Variants in CCDC9 observed in about 807,000 individuals in gnomAD.
CCDC9 encodes the protein coiled-coil domain containing 9.
A neutral mutation model predicts 65.6 loss-of-function variants in CCDC9; 52 were observed. The ratio of observed to expected loss-of-function variants is 0.79; its 90% confidence interval spans 0.63 to 1.00. The LOEUF (loss-of-function observed/expected upper bound fraction) is 1.00. Among genes scored for constraint, CCDC9 ranks in the 50% least tolerant of loss-of-function variants. The probability of loss-of-function intolerance (pLI) is 0.00; values close to 1 mark genes in which losing one functional copy is unlikely to be tolerated. For synonymous variants in CCDC9, 332 were observed against 280.3 expected, an observed-to-expected ratio of 1.18 and a Z score of -1.84; for missense variants, 834 against 757.2, an observed-to-expected ratio of 1.10 and a Z score of -1.19.
intron 3 of CCDC9, among the ~76,000 whole-genome samples, chr19:47,259,740 G>A (rs1322114658): frequency 6.6e-6 from 1 of 152,058 alleles, no homozygotes; most frequent in Non-Finnish European, 1.5e-5. Flanking sequence ...ACTGAAAGCA[G>A]ACAGACATTC....
chr19:47,263,670 A>G (rs888665292), intron 5 of CCDC9, among the ~76,000 whole-genome samples: 1 of 151,704 alleles, frequency 6.6e-6, no homozygotes, highest in Admixed American at 6.6e-5. Flanking sequence ...GTTTCAAGCA[A>G]TTCTCCTGTC....
In CCDC9 at chr19:47,264,797, G is replaced by C. The variant is rs2123461127; in HGVS notation, c.571G>C (p.Val191Leu). The C allele has an allele frequency of 6.3e-7, 1 of 1,591,086 alleles. No individual in the cohort carries two copies. The highest frequency in any genetic ancestry group is 2.2e-5 in the East Asian group (1 of 44,504). Residue 191 changes from valine (V) to leucine (L), a missense_variant, in exon 7 of 12, where the codon GTG (valine) becomes CTG (leucine). Transcript: ENST00000221922. Reference sequence around the variant, plus strand: ...GGAAGGGGTTCTTGAACCCAACCCAGTGCGGAACTTCCTGGACGACCCCCG... The same window carrying C: ...GGAAGGGGTTCTTGAACCCAACCCACTGCGGAACTTCCTGGACGACCCCCG... ...QREGVLEPNP[V>L]RNFLDDPRRR...
Position 47,264,631 on chromosome 19 carries a change from T to C in CCDC9, c.491T>C (p.Ile164Thr). 1 of 1,603,388 alleles carries C rather than the reference T, an allele frequency of 6.2e-7. No individual in the cohort carries two copies. Among genetic ancestry groups the C allele is most frequent in the Non-Finnish European group, 8.5e-7 (1 of 1,175,172 alleles). ...KEWEERRRQN[I>T]EKMNEEMEKI... ...TGGGAGGAGCGGCGCAGGCAGAACA[T>C]TGAGAAGATGAATGAGGAGATGGAG... Residue 164 changes from isoleucine to threonine, a missense_variant, in exon 6 of 12, where the codon ATT (isoleucine) becomes ACT (threonine). Ile to Thr is a moderately conservative substitution (Grantham distance 89, BLOSUM62 -1). Coordinates refer to ENST00000221922, the MANE Select transcript of CCDC9 (RefSeq NM_015603.3).
chr19:47,266,811 C>G lies in CCDC9; in HGVS notation c.902+19C>G. Reference sequence around the variant, plus strand: ...ATGGGATGTGAGTCTCCTCCCCGCTCCTCTCCCCATGTGGCACGTTGACCT... The same window carrying G: ...ATGGGATGTGAGTCTCCTCCCCGCTGCTCTCCCCATGTGGCACGTTGACCT... On this transcript the variant is annotated intron_variant, in intron 8 of 11. Transcript: ENST00000221922. 4 of 1,593,316 alleles carry G rather than the reference C, an allele frequency of 2.5e-6. No homozygotes were observed. Among genetic ancestry groups the G allele is most frequent in the Non-Finnish European group, 3.4e-6 (4 of 1,170,352 alleles).
At chr19:47,263,711 G>T (rs1340436073) in intron 5 of CCDC9, among the ~76,000 whole-genome samples, 1 of 151,776 alleles carries the variant, frequency 6.6e-6, no homozygotes, top group African/African-American at 2.4e-5. Context: ...GATTACAGGT[G>T]CCCACCACCA....
rs560223962 is a variant in CCDC9, at chr19:47,268,236, A to G, written c.902+1444A>G. ...AGACTTAAAGCAAAGCCCTCATTGC[A>G]TCATCGTCATGGGGACCAACTTCCA... On this transcript the variant is annotated intron_variant, in intron 8 of 11. Coordinates refer to ENST00000221922, the MANE Select transcript of CCDC9 (RefSeq NM_015603.3). Among the ~76,000 whole-genome samples, 10 of 152,300 alleles carry G rather than the reference A, an allele frequency of 6.6e-5. No individual in the cohort carries two copies. In the East Asian group the frequency reaches 1.9e-3, roughly 29 times the overall value.
chr19:47,259,960 G>C (rs927819636), intron 3 of CCDC9, among the ~76,000 whole-genome samples: 1 of 152,192 alleles, frequency 6.6e-6, no homozygotes, highest in African/African-American at 2.4e-5. Flanking sequence ...AGTGTTCCTG[G>C]CAGAGGGATC....
At chr19:47,274,994 G>T, downstream of CCDC9, 1 of 1,470,262 alleles carries the variant, frequency 6.8e-7, no homozygotes, top group African/African-American at 1.5e-5. Context: ...GCCCGCGGGG[G>T]CGCTGGCTGC....
At chr19:47,262,250 T>C (rs1485415580) in intron 5 of CCDC9, among the ~76,000 whole-genome samples, 1 of 148,584 alleles carries the variant, frequency 6.7e-6, no homozygotes, top group Non-Finnish European at 1.5e-5. Flanking sequence ...AGAGTCTCAC[T>C]TTGTTGCCCA....
downstream of CCDC9, chr19:47,273,334 GAC>G: frequency 8.1e-7 from 1 of 1,229,152 alleles, no homozygotes; most frequent in Non-Finnish European, 1.0e-6. Flanking sequence ...CCCCTCCGCT[GAC>G]TCAGCCCCTT....
rs1356168224 is a variant in CCDC9, at chr19:47,264,876, G to A, written c.650G>A (p.Arg217His). 1.5e-5 allele frequency: 22 copies of A among 1,478,118 alleles called. No individual in the cohort carries two copies. The highest frequency in any genetic ancestry group is 2.0e-5 in the Non-Finnish European group (22 of 1,116,406). 91.6% of individuals were successfully genotyped at this position (1,478,118 alleles called of 1,614,324 possible). ...GAGCGGGACCGCCGGGAGGAGAGCCGCCGGCACGGCCGCAACTGGGGGGGC... is the reference window on the plus strand; with the variant it reads ...GAGCGGGACCGCCGGGAGGAGAGCCACCGGCACGGCCGCAACTGGGGGGGC... ...ESERDRREES[R>H]RHGRNWGGPD... Residue 217 changes from arginine to histidine, a missense_variant, in exon 7 of 12, where the codon CGC becomes CAC. Physicochemically the swap from Arg to His is conservative, Grantham distance 29. Coordinates refer to ENST00000221922, the MANE Select transcript of CCDC9 (RefSeq NM_015603.3).
downstream of CCDC9, chr19:47,275,473 G>A (rs1029119749): frequency 4.5e-6 from 6 of 1,336,848 alleles, no homozygotes; most frequent in Admixed American, 3.2e-5. Context: ...CTCTGGAGCC[G>A]TCATCCCGCG....
chr19:47,258,215 T>C, intron 1 of CCDC9, 115 bp from the exon 2 acceptor site: 1 of 629,656 alleles, frequency 1.6e-6, no homozygotes. Context: ...AGGGCTACAA[T>C]TCTCTTGGGG....
At position 47,271,720 on chromosome 19, in the gene CCDC9, T is replaced by G. The variant is rs781238526; in HGVS notation, c.*42T>G. On this transcript the variant is annotated 3_prime_UTR_variant, in exon 12 of 12. Transcript: ENST00000221922. ...GTGTGTGTGTGTGTGTGTGTGTGTG[T>G]GTGTGTGTGTGTGCGCGCGCGCGCG... is the stretch of plus-strand genomic sequence containing the variant. 90 of 1,371,290 alleles carry G rather than the reference T, an allele frequency of 6.6e-5. No homozygotes were observed. In the East Asian group the frequency reaches 7.3e-4, roughly 11 times the overall value. 84.9% of individuals were successfully genotyped at this position (1,371,290 alleles called of 1,614,324 possible).
chr19:47,264,549 C>T (rs563354885), intron 5 of CCDC9, 54 bp from the exon 6 acceptor site: 18 of 1,512,218 alleles, frequency 1.2e-5, no homozygotes, highest in Non-Finnish European at 1.4e-5. Flanking sequence ...TCTCCTGCAC[C>T]GGCAGCTTAA....
downstream of CCDC9, chr19:47,274,886 C>G: frequency 8.2e-7 from 1 of 1,226,286 alleles, no homozygotes; most frequent in Non-Finnish European, 1.0e-6. Flanking sequence ...GGGGCCTGTG[C>G]GGTCTGCGGC....
At chr19:47,258,305 G>C in intron 1 of CCDC9, 25 bp from the exon 2 acceptor site, 1 of 1,383,538 alleles carries the variant, frequency 7.2e-7, no homozygotes, top group Non-Finnish European at 1.0e-6. Context: ...ATTGGCCTTT[G>C]TCCTTTTTTT....
At chr19:47,269,936 C>T (rs1472840964) in intron 8 of CCDC9, among the ~76,000 whole-genome samples, 2 of 151,468 alleles carry the variant, frequency 1.3e-5, no homozygotes, top group African/African-American at 4.9e-5. Flanking sequence ...ACTATGCTGT[C>T]AAATTTGCCT....
At chr19:47,258,894 T>G (rs2059028205) in intron 3 of CCDC9, among the ~76,000 whole-genome samples, 1 of 152,160 alleles carries the variant, frequency 6.6e-6, no homozygotes, top group East Asian at 1.9e-4. Context: ...GTGCTGGGGA[T>G]ATAGCTGTGA....
Sources: gnomAD v4.1 joint callset for allele counts (sites outside exome capture counted in the v4.1 genomes callset) on GRCh38, gnomAD v4.1.1 for gene constraint, MANE v1.5 for transcripts, NCBI Gene and HGNC (gene_info 2026-07-23, HGNC 2026-07-21) for gene names.